The following MACROD2 variants were observed in gnomAD, a reference collection of about 807,000 sequenced individuals.
The protein encoded by MACROD2 is ADP-ribose glycohydrolase MACROD2.
Under a neutral mutation model 70.4 loss-of-function variants are expected in MACROD2, and 36 were observed. The observed-to-expected ratio is 0.51, with a 90% CI of 0.39 to 0.68. MACROD2 has a LOEUF of 0.68. Ranked by LOEUF, MACROD2 falls within the 30% of genes least tolerant of loss-of-function variation. The probability of loss-of-function intolerance (pLI) is 0.00; values close to 1 mark genes in which losing one functional copy is unlikely to be tolerated. For missense variants in MACROD2, 496 were observed against 538.4 expected, an observed-to-expected ratio of 0.92 and a Z score of 0.78; for synonymous variants, 172 against 178.8, an observed-to-expected ratio of 0.96 and a Z score of 0.30.
At chr20:14,328,114 C>T (rs551266439) in intron 3 of MACROD2, among the ~76,000 whole-genome samples, 2 of 152,204 alleles carry the variant, frequency 1.3e-5, no homozygotes, top group South Asian at 4.1e-4. Context: ...GATCCTCAAT[C>T]TCAAACCCAT....
chr20:15,266,734 C>T (rs146457607), intron 6 of MACROD2, among the ~76,000 whole-genome samples: 2 of 152,316 alleles, frequency 1.3e-5, no homozygotes, highest in Non-Finnish European at 2.9e-5. Context: ...GCTTTCAAGA[C>T]CTCCCATGAA....
chr20:14,523,497 C>T (rs2085194384), intron 4 of MACROD2: 2 of 152,172 alleles, frequency 1.3e-5, no homozygotes, highest in Admixed American at 6.5e-5. Context: ...CAGTGAGTCT[C>T]CTCCCCAGGA....
At chr20:14,712,729 T>C (rs2071352368) in intron 5 of MACROD2, among the ~76,000 whole-genome samples, 1 of 152,236 alleles carries the variant, frequency 6.6e-6, no homozygotes, top group African/African-American at 2.4e-5. Context: ...CAGTATCTCC[T>C]AATCTCTCAA....
At position 13,995,916 on chromosome 20, in the gene MACROD2, G is replaced by T. The variant is rs947082698; in HGVS notation, c.46+107G>T. On this transcript the variant is annotated intron_variant, in intron 1 of 17. Transcript: ENST00000684519. This position sits in a 1 kb window ranked among gnomAD's most constrained non-coding sequence, Gnocchi z 4.3. ...CCCTCCGCCCGAGCTCCCGCCTCGC[G>T]CCCTCCCGGCCGGTGCCGCCTCCCT... 1.7e-5 allele frequency: 23 copies of T among 1,330,568 alleles called. No individual in the cohort carries two copies. The highest frequency in any genetic ancestry group is 2.5e-4 in the Middle Eastern group (1 of 3,928). 82.4% of individuals were successfully genotyped at this position (1,330,568 alleles called of 1,614,324 possible). A position where few individuals can be genotyped will look rare whatever the true frequency, so the allele number is the denominator to read the frequency against.
chr20:15,840,367 G>A (rs538150549), intron 8 of MACROD2, among the ~76,000 whole-genome samples: 5 of 152,254 alleles, frequency 3.3e-5, no homozygotes, highest in East Asian at 1.9e-4. Context: ...GCAACTTGCC[G>A]GGGACAACAT....
At chr20:14,399,199 A>G (rs1330669521) in intron 3 of MACROD2, among the ~76,000 whole-genome samples, 2 of 151,908 alleles carry the variant, frequency 1.3e-5, no homozygotes, top group African/African-American at 4.8e-5. Context: ...TTTCTTTTGT[A>G]TGATAGAGAC....
At chr20:14,403,986 A>G (rs2083665461) in intron 3 of MACROD2, among the ~76,000 whole-genome samples, 1 of 152,162 alleles carries the variant, frequency 6.6e-6, no homozygotes, top group Non-Finnish European at 1.5e-5. Flanking sequence ...AATAAAAGTA[A>G]GTAAATTAGA....
intron 10 of MACROD2, among the ~76,000 whole-genome samples, chr20:15,931,582 G>T (rs2065577278): frequency 6.6e-6 from 1 of 151,924 alleles, no homozygotes; most frequent in South Asian, 2.1e-4. Flanking sequence ...GTTAAAGGCT[G>T]CAGTGAGCTA....
chr20:14,078,568 GGC>G, intron 2 of MACROD2, among the ~76,000 whole-genome samples: 1 of 152,100 alleles, frequency 6.6e-6, no homozygotes, highest in East Asian at 1.9e-4. Context: ...CACCACGCCT[GGC>G]TAATTTTGGA....
chr20:15,728,166 T>G (rs539511937), intron 8 of MACROD2, among the ~76,000 whole-genome samples: 1 of 152,140 alleles, frequency 6.6e-6, no homozygotes, highest in East Asian at 1.9e-4. Context: ...AACCATGTGG[T>G]TTTTGTTTTT....
chr20:15,428,057 G>A lies in MACROD2; in HGVS notation c.541-3348G>A, dbSNP rs138641561. 1.5e-3 allele frequency among the ~76,000 whole-genome samples: 232 copies of A among 152,298 alleles called. 1 individual carries two copies. The highest frequency in any genetic ancestry group is 5.5e-3 in the African/African-American group (227 of 41,560). On this transcript the variant is annotated intron_variant, in intron 6 of 17. Coordinates refer to ENST00000684519, the MANE Select transcript of MACROD2 (RefSeq NM_001351661.2). ...TGAGGTTGGGAAGCCTTGCTCTGGA[G>A]CAACAGAACCTGGTGGACATCACAG...
At chr20:14,768,324 C>G (rs571870134) in intron 5 of MACROD2, among the ~76,000 whole-genome samples, 1 of 151,952 alleles carries the variant, frequency 6.6e-6, no homozygotes, top group Non-Finnish European at 1.5e-5. Flanking sequence ...TTTTAATGAT[C>G]GCCATTCTAA....
At chr20:14,695,897 A>G (rs755320541) in intron 5 of MACROD2, among the ~76,000 whole-genome samples, 48 of 152,304 alleles carry the variant, frequency 3.2e-4, no homozygotes, top group African/African-American at 1.1e-3. Context: ...TTTTAAGTGC[A>G]GGGTAATTTG....
chr20:14,723,111 A>G lies in MACROD2; in HGVS notation c.418+38152A>G, dbSNP rs113162680. 3.4e-3 allele frequency among the ~76,000 whole-genome samples: 515 copies of G among 152,114 alleles called. 3 individuals carry two copies. Among genetic ancestry groups the G allele is most frequent in the Non-Finnish European group, 6.4e-3 (433 of 67,968 alleles). On this transcript the variant is annotated intron_variant, in intron 5 of 17. Transcript: ENST00000684519. ...GGCTTAAATTTGATCTTTACATTCC[A>G]CTGTCATTCCAGCACATACACAAAA...
At chr20:14,949,028 A>G (rs977552706) in intron 5 of MACROD2, among the ~76,000 whole-genome samples, 4 of 152,128 alleles carry the variant, frequency 2.6e-5, no homozygotes, top group Non-Finnish European at 4.4e-5. Flanking sequence ...TTCTGAAATG[A>G]AAGGTTAATA....
chr20:14,574,709 T>C (rs1419781647), intron 4 of MACROD2, among the ~76,000 whole-genome samples: 1 of 151,136 alleles, frequency 6.6e-6, no homozygotes, highest in Non-Finnish European at 1.5e-5. Context: ...ATATAATATA[T>C]CACATTTTAT....
intron 5 of MACROD2, among the ~76,000 whole-genome samples, chr20:15,101,322 A>T (rs1235437541): frequency 6.6e-6 from 1 of 151,982 alleles, no homozygotes; most frequent in Non-Finnish European, 1.5e-5. Flanking sequence ...TCAATTTCCT[A>T]TCAGTCTAGA....
At chr20:14,534,239 T>A (rs1038605632) in intron 4 of MACROD2, among the ~76,000 whole-genome samples, 1 of 152,156 alleles carries the variant, frequency 6.6e-6, no homozygotes, top group Non-Finnish European at 1.5e-5. Context: ...TTCCTCAGTG[T>A]GAGTGGTGAA....
intron 3 of MACROD2, among the ~76,000 whole-genome samples, chr20:14,175,946 G>A (rs2081260252): frequency 6.6e-6 from 1 of 152,152 alleles, no homozygotes; most frequent in African/African-American, 2.4e-5. Flanking sequence ...GTTTAATCTT[G>A]TTGTCCTAAT....
Sources: gnomAD v4.1 joint callset for allele counts (sites outside exome capture counted in the v4.1 genomes callset) on GRCh38, gnomAD v4.1.1 for gene constraint, Gnocchi (gnomAD v3.1) non-coding constraint, MANE v1.5 for transcripts, NCBI Gene and HGNC (gene_info 2026-07-23, HGNC 2026-07-21) for gene names.